Variants in SYNE2 observed in about 807,000 individuals in gnomAD.
SYNE2 encodes spectrin repeat containing nuclear envelope protein 2.
Under a neutral mutation model 856.3 loss-of-function variants are expected in SYNE2, and 431 were observed. That is an observed-to-expected ratio of 0.50 (90% confidence interval 0.47 to 0.55). The LOEUF (loss-of-function observed/expected upper bound fraction) is 0.55. Ranked by LOEUF, SYNE2 falls within the 20% of genes least tolerant of loss-of-function variation. SYNE2 has a pLI of 0.00. For synonymous variants in SYNE2, 2,923 were observed against 2,872.3 expected (o/e 1.02, Z -0.56); for missense variants, 8,129 against 8,023.2 (o/e 1.01, Z -0.50).
intron 51 of SYNE2, among the ~76,000 whole-genome samples, chr14:64,067,029 TG>T (rs1412914191): frequency 6.6e-6 from 1 of 152,246 alleles, no homozygotes; most frequent in African/African-American, 2.4e-5. Context: ...AATTCAGGTC[TG>T]GGCTAATTCT....
intron 96 of SYNE2, among the ~76,000 whole-genome samples, chr14:64,178,584 G>A (rs573210159): frequency 1.7e-4 from 25 of 151,086 alleles, no homozygotes; most frequent in African/African-American, 5.4e-4. Flanking sequence ...CAGCCCCCCC[G>A]AGTAGCCCAG....
At chr14:63,797,772 T>C (rs1322163090) in intron 1 of SYNE2, among the ~76,000 whole-genome samples, 1 of 152,226 alleles carries the variant, frequency 6.6e-6, no homozygotes, top group East Asian at 1.9e-4. Flanking sequence ...ATCAGGATTG[T>C]ATGTGTGAAA....
At chr14:64,132,208 G>A (rs2098029222) in intron 76 of SYNE2, 57 bp from the exon 77 acceptor site, 2 of 1,595,446 alleles carry the variant, frequency 1.3e-6, no homozygotes, top group Non-Finnish European at 8.6e-7. Flanking sequence ...AAGTAACTTG[G>A]TTTTTAAGAG....
At chr14:64,201,257 T>C (rs12435376) in intron 99 of SYNE2, among the ~76,000 whole-genome samples, 67,236 of 152,082 alleles carry the variant, frequency 0.44, 16,634 homozygotes, top group African/African-American at 0.68. Context: ...TTTGCGGGTG[T>C]ACTTGAAATA....
At chr14:63,924,245 G>A (rs1294464286) in intron 2 of SYNE2, among the ~76,000 whole-genome samples, 1 of 152,044 alleles carries the variant, frequency 6.6e-6, no homozygotes, top group African/African-American at 2.4e-5. Context: ...TGCCAATATT[G>A]CACTATCTTG....
chr14:63,768,733 A>G (rs1886782806), intron 1 of SYNE2, among the ~76,000 whole-genome samples: 2 of 152,156 alleles, frequency 1.3e-5, no homozygotes, highest in Non-Finnish European at 1.5e-5. Flanking sequence ...CAAACAAACA[A>G]ACTAAACCTC....
intron 34 of SYNE2, 120 bp from the exon 35 acceptor site, chr14:64,019,872 C>A: frequency 1.4e-6 from 1 of 735,008 alleles, no homozygotes; most frequent in Non-Finnish European, 2.3e-6. Flanking sequence ...ACAAAACACA[C>A]ATGATTATGG....
rs1200345591 is a variant in SYNE2, at chr14:64,126,250, A to G, written c.13555-77A>G. ...AGCATAACATAAATCATAAACTATA[A>G]TGGAAACTAGGCAAAATATAGGTCT... On this transcript the variant is annotated intron_variant, in intron 71 of 115. Coordinates refer to ENST00000555002, the MANE Select transcript of SYNE2 (RefSeq NM_182914.3). The G allele has an allele frequency of 3.0e-6, 4 of 1,335,456 alleles. No individual in the cohort carries two copies. The African/African-American group carries it at 5.8e-5, about 19-fold the overall frequency. 82.7% of individuals were successfully genotyped at this position (1,335,456 alleles called of 1,614,324 possible).
intron 66 of SYNE2, among the ~76,000 whole-genome samples, chr14:64,118,842 CAG>C (rs955948413): frequency 1.4e-5 from 2 of 139,228 alleles, no homozygotes; most frequent in African/African-American, 2.7e-5. Flanking sequence ...TCCTGGGCAA[CAG>C]AGTGAGACTC....
chr14:63,926,780 CA>C (rs2095671520), intron 2 of SYNE2, among the ~76,000 whole-genome samples: 1 of 152,176 alleles, frequency 6.6e-6, no homozygotes. Context: ...TCTCCACAGC[CA>C]GTGTTCTTAA....
intron 1 of SYNE2, among the ~76,000 whole-genome samples, chr14:63,881,811 G>C (rs74903257): frequency 2.0e-5 from 3 of 152,202 alleles, no homozygotes; most frequent in Admixed American, 2.0e-4. Flanking sequence ...TGCAGAAACC[G>C]TTAGAACAAT....
chr14:64,024,138 G>C (rs557617924), intron 38 of SYNE2, 119 bp from the exon 39 acceptor site: 1 of 809,532 alleles, frequency 1.2e-6, no homozygotes, highest in South Asian at 1.4e-5. Context: ...CCCTTCTTTC[G>C]TATAGGATCT....
intron 61 of SYNE2, among the ~76,000 whole-genome samples, chr14:64,096,671 G>C (rs566252716): frequency 1.5e-4 from 23 of 152,334 alleles, no homozygotes; most frequent in Non-Finnish European, 2.4e-4. Flanking sequence ...AGGGGTATTG[G>C]CATAGAAATG....
chr14:64,218,516 C>T lies in SYNE2; in HGVS notation c.19657+4C>T, dbSNP rs938513779. 1 of 1,613,388 alleles carries T rather than the reference C, an allele frequency of 6.2e-7. No homozygotes were observed. The highest frequency in any genetic ancestry group is 2.2e-5 in the East Asian group (1 of 44,884). On this transcript the variant is annotated splice_donor_region_variant and intron_variant, in intron 109 of 115. Transcript: ENST00000555002. Reference sequence around the variant, plus strand: ...GGTATCACAGAGCAGCAGTCAGGTACTGCCTGTAACTGGCAGTCGTCCAGA... The same window carrying T: ...GGTATCACAGAGCAGCAGTCAGGTATTGCCTGTAACTGGCAGTCGTCCAGA...
chr14:63,968,473 A>G (rs2096426834), intron 11 of SYNE2, among the ~76,000 whole-genome samples: 1 of 152,190 alleles, frequency 6.6e-6, no homozygotes, highest in Admixed American at 6.5e-5. Context: ...ATGTATCAAT[A>G]TCAGTAGATG....
chr14:64,083,391 G>T (rs1595399602), intron 57 of SYNE2, among the ~76,000 whole-genome samples: 5 of 146,150 alleles, frequency 3.4e-5, no homozygotes, highest in Admixed American at 6.8e-5. Flanking sequence ...TCCTTCAAAT[G>T]CTTATTATGA....
intron 29 of SYNE2, 24 bp downstream of exon 29, chr14:64,002,105 G>A: frequency 1.3e-6 from 2 of 1,558,258 alleles, no homozygotes; most frequent in Non-Finnish European, 1.8e-6. Context: ...TTCTCACAGT[G>A]TATTTACAGA....
At chr14:63,840,787 C>T (rs751741397) in intron 1 of SYNE2, among the ~76,000 whole-genome samples, 21 of 152,046 alleles carry the variant, frequency 1.4e-4, no homozygotes, top group Non-Finnish European at 2.2e-4. Context: ...CCGAGGCAGG[C>T]GGATCCCCTG....
At chr14:63,843,192 A>G (rs1890126426) in intron 1 of SYNE2, among the ~76,000 whole-genome samples, 1 of 151,902 alleles carries the variant, frequency 6.6e-6, no homozygotes, top group South Asian at 2.1e-4. Context: ...GTGCCCCACC[A>G]TACCAGGCTA....
Sources: gnomAD v4.1 joint callset for allele counts (sites outside exome capture counted in the v4.1 genomes callset) on GRCh38, gnomAD v4.1.1 for gene constraint, MANE v1.5 for transcripts, NCBI Gene and HGNC (gene_info 2026-07-23, HGNC 2026-07-21) for gene names.